LYST: variants seen among roughly 807,000 people sequenced by gnomAD.
LYST encodes lysosomal trafficking regulator, also known as lysosomal-trafficking regulator.
A neutral mutation model predicts 413.6 loss-of-function variants in LYST; 192 were observed. That is an observed-to-expected ratio of 0.46 (90% CI 0.41 to 0.52). The LOEUF is 0.52. Ranked by LOEUF, LYST falls within the 20% of genes least tolerant of loss-of-function variation. The pLI is 0.00. For missense variants in LYST, 3,815 were observed against 4,499.9 expected (o/e 0.85, Z 4.35); for synonymous variants, 1,525 against 1,567.3 (o/e 0.97, Z 0.64).
chr1:235,826,954 A>T (rs1675404486), intron 3 of LYST, among the ~76,000 whole-genome samples: 1 of 152,060 alleles, frequency 6.6e-6, no homozygotes. Context: ...AAGGATTGGG[A>T]CTACTGATGT....
At chr1:235,731,821 G>C (rs995631882) in intron 34 of LYST, among the ~76,000 whole-genome samples, 11 of 152,080 alleles carry the variant, frequency 7.2e-5, no homozygotes, top group Admixed American at 3.3e-4. Context: ...GCCTCCCAAA[G>C]TGTTGGGATT....
intron 39 of LYST, among the ~76,000 whole-genome samples, chr1:235,723,245 A>T (rs1281821473): frequency 6.6e-6 from 1 of 152,210 alleles, no homozygotes; most frequent in African/African-American, 2.4e-5. Context: ...TTGAGATGTC[A>T]ATTAGTGACT....
intron 4 of LYST, among the ~76,000 whole-genome samples, chr1:235,812,687 T>A (rs1418852918): frequency 6.6e-6 from 1 of 152,172 alleles, no homozygotes; most frequent in Non-Finnish European, 1.5e-5. Flanking sequence ...ATTTTTCTGA[T>A]GTTATGCTGC....
chr1:235,759,965 T>C (rs1404988913), intron 22 of LYST, among the ~76,000 whole-genome samples: 1 of 152,164 alleles, frequency 6.6e-6, no homozygotes, highest in East Asian at 1.9e-4. Context: ...TAACCACTTT[T>C]TATTAATATC....
At position 235,697,155 on chromosome 1, in the gene LYST, C is replaced by G. The variant is rs1222770569; in HGVS notation, c.10492G>C (p.Ala3498Pro). ...CCACAGATTGCTCTGGTGGGCAGAG[C>G]CTGGAGAGAGCCAAATCTTTCTCCG... is the stretch of plus-strand genomic sequence containing the variant. ...PHGERFGSLQALPTRAICGLS... is the reference protein window; with the variant it reads ...PHGERFGSLQPLPTRAICGLS... Residue 3498 changes from alanine to proline, a missense_variant, in exon 46 of 53, where the codon GCT becomes CCT. Coordinates refer to ENST00000389793, the MANE Select transcript of LYST (RefSeq NM_000081.4). The G allele has an allele frequency of 4.3e-6, 7 of 1,614,174 alleles. No individual in the cohort carries two copies. The highest frequency in any genetic ancestry group is 1.7e-5 in the Admixed American group (1 of 60,018).
intron 12 of LYST, among the ~76,000 whole-genome samples, chr1:235,789,338 C>T (rs745436754): frequency 6.6e-6 from 1 of 152,020 alleles, no homozygotes; most frequent in Non-Finnish European, 1.5e-5. Context: ...TTTATATTCC[C>T]TGGTGAGTAG....
At chr1:235,870,488 G>A (rs916283014), upstream of LYST, among the ~76,000 whole-genome samples, 2 of 152,148 alleles carry the variant, frequency 1.3e-5, no homozygotes, top group African/African-American at 4.8e-5. Flanking sequence ...GTGGCTGCGC[G>A]GGAGTCTCTG....
chr1:235,748,711 T>A (rs1444785558), intron 28 of LYST, among the ~76,000 whole-genome samples: 1 of 152,194 alleles, frequency 6.6e-6, no homozygotes, highest in African/African-American at 2.4e-5. Context: ...AATGAGGTTG[T>A]AAGATTAATC....
At position 235,852,758 on chromosome 1, in the gene LYST, A is replaced by G. The variant is rs527384023; in HGVS notation, c.-98+14085T>C. 4.6e-5 allele frequency among the ~76,000 whole-genome samples: 7 copies of G among 152,336 alleles called. No homozygotes were observed. In the South Asian group the frequency reaches 1.4e-3, roughly 32 times the overall value. On this transcript the variant is annotated intron_variant, in intron 1 of 52. Coordinates refer to ENST00000389793, the MANE Select transcript of LYST (RefSeq NM_000081.4). ...TCCATTCTACAATCAACTTTCAGAGAGTTAAACGATCTCTGGGTTAATGAC... is the reference window on the plus strand; with the variant it reads ...TCCATTCTACAATCAACTTTCAGAGGGTTAAACGATCTCTGGGTTAATGAC...
rs562692390 is a variant in LYST, at chr1:235,765,394, CT to C, written c.6121+684del. Among the ~76,000 whole-genome samples, 344 of 152,278 alleles carry C rather than the reference CT, an allele frequency of 2.3e-3. 1 individual carries two copies. The highest frequency in any genetic ancestry group is 1.8e-3 in the Non-Finnish European group (125 of 68,018). ...CCTAGTTCCTTATTCCTGAATTCTA[CT>C]GCAATAATTTACTTATAGCCTTTGC... On this transcript the variant is annotated intron_variant, in intron 21 of 52. Coordinates refer to ENST00000389793, the MANE Select transcript of LYST (RefSeq NM_000081.4).
intron 24 of LYST, among the ~76,000 whole-genome samples, chr1:235,756,396 G>A (rs184948017): frequency 2.6e-5 from 4 of 152,068 alleles, no homozygotes; most frequent in African/African-American, 7.2e-5. Flanking sequence ...AATTTCTTAC[G>A]TTTTACTTAG....
chr1:235,842,633 A>T (rs1677347441), intron 1 of LYST, among the ~76,000 whole-genome samples: 1 of 152,192 alleles, frequency 6.6e-6, no homozygotes, highest in Non-Finnish European at 1.5e-5. Context: ...CAGGATTTTC[A>T]TTAGGTTAAC....
chr1:235,841,397 C>T (rs545827638), intron 1 of LYST, among the ~76,000 whole-genome samples: 45 of 152,082 alleles, frequency 3.0e-4, no homozygotes, highest in African/African-American at 1.1e-3. Flanking sequence ...GGTGGTGCGG[C>T]GTGGCCAGCC....
rs776425602 is a variant in LYST, at chr1:235,751,281, T to TGAA, written c.7708_7709insTTC (p.Asn2570delinsIleHis). On this transcript the variant is annotated protein_altering_variant, in exon 28 of 53. Coordinates refer to ENST00000389793, the MANE Select transcript of LYST (RefSeq NM_000081.4). ...AGGTGACTGGAGTGAATCTGTGAGG[T>TGAA]TTTCAGAGTCATGATTTGCGGTGGT... is the stretch of plus-strand genomic sequence containing the variant. 5 of 1,613,438 alleles carry TGAA rather than the reference T, an allele frequency of 3.1e-6. No individual in the cohort carries two copies. In the South Asian group the frequency reaches 4.4e-5, roughly 14 times the overall value.
intron 31 of LYST, chr1:235,738,935 T>C (rs1261068775): frequency 2.7e-6 from 2 of 727,616 alleles, no homozygotes; most frequent in Non-Finnish European, 5.1e-6. Flanking sequence ...AAGGGGCCCA[T>C]TTGAAGAACA....
In LYST at chr1:235,759,386, A is replaced by C. The variant is rs1382095259; in HGVS notation, c.6467T>G (p.Leu2156Arg). 3 of 1,614,052 alleles carry C rather than the reference A, an allele frequency of 1.9e-6. No homozygotes were observed. The African/African-American group carries it at 4.0e-5, about 22-fold the overall frequency. The change falls in exon 23 of 53, where the codon CTG becomes CGG. Residue 2156 changes from leucine (L) to arginine (R), a missense_variant. Physicochemically the swap from Leu to Arg is moderately radical, Grantham distance 102 (BLOSUM62 -2). Around this residue, in one of 4 missense-constraint regions of LYST, gnomAD observed 771 missense variants for 837.1 expected, o/e 0.92. Coordinates refer to ENST00000389793, the MANE Select transcript of LYST (RefSeq NM_000081.4). ...GAATGCGTCCTCTTTGCCTTTTTTC[A>C]GTGTGTCGGAACTCCCCAAAGAATT... ...KQNSLGSSDT[L>R]KKGKEDAFIS...
At chr1:235,805,642 A>T in intron 6 of LYST, 101 bp downstream of exon 6, 1 of 405,022 alleles carries the variant, frequency 2.5e-6, no homozygotes, top group Non-Finnish European at 4.1e-6. Flanking sequence ...TATATATTAC[A>T]TATATTATGT....
chr1:235,793,637 A>C (rs1408067984), intron 10 of LYST, 25 bp from the exon 11 acceptor site: 1 of 1,260,614 alleles, frequency 7.9e-7, no homozygotes, highest in African/African-American at 1.5e-5. Context: ...GAGGGAAAAA[A>C]TTAAAGCTAG....
At chr1:235,693,606 A>T (rs1191461083) in intron 46 of LYST, 120 bp from the exon 47 acceptor site, 11 of 1,034,624 alleles carry the variant, frequency 1.1e-5, no homozygotes, top group Non-Finnish European at 1.6e-5. Flanking sequence ...TTGGTGCAAG[A>T]CCATCTTTAA....
Sources: gnomAD v4.1 joint callset for allele counts (sites outside exome capture counted in the v4.1 genomes callset) on GRCh38, gnomAD v4.1.1 for gene constraint, gnomAD v4.1.1 regional missense constraint, MANE v1.5 for transcripts, NCBI Gene and HGNC (gene_info 2026-07-23, HGNC 2026-07-21) for gene names.